The following CDH3 variants were observed in gnomAD, a reference collection of about 807,000 sequenced individuals.
CDH3 encodes the protein cadherin-3.
CDH3 carries 54 observed loss-of-function variants against 82.0 expected under a neutral mutation model. The ratio of observed to expected loss-of-function variants is 0.66; its 90% CI spans 0.53 to 0.83. The LOEUF is 0.83. Among genes scored for constraint, CDH3 ranks in the 40% least tolerant of loss-of-function variants. The probability of loss-of-function intolerance (pLI) is 0.00; values close to 1 mark genes in which losing one functional copy is unlikely to be tolerated. For missense variants in CDH3, 1,054 were observed against 1,084.6 expected (o/e 0.97, Z 0.40); for synonymous variants, 446 against 437.9 (o/e 1.02, Z -0.23).
Position 68,645,624 on chromosome 16 carries a change from C to T in CDH3, c.46-12C>T, listed in dbSNP as rs756895024. The T allele has an allele frequency of 1.9e-6, 3 of 1,539,194 alleles. No individual in the cohort carries two copies. The highest frequency in any genetic ancestry group is 2.4e-5 in the South Asian group (2 of 83,942). On this transcript the variant is annotated splice_polypyrimidine_tract_variant and intron_variant, in intron 1 of 15. Coordinates refer to ENST00000264012, the MANE Select transcript of CDH3 (RefSeq NM_001793.6). Reference sequence around the variant, plus strand: ...GGACCCAGCCTCCTTCACTCTCTGCCCTCGGGCGCAGGTTTGCTGGCTGCA... The same window carrying T: ...GGACCCAGCCTCCTTCACTCTCTGCTCTCGGGCGCAGGTTTGCTGGCTGCA...
At chr16:68,723,740 T>A (rs868070273) in intron 2 of CDH3, among the ~76,000 whole-genome samples, 11 of 151,830 alleles carry the variant, frequency 7.2e-5, no homozygotes, top group Middle Eastern at 6.8e-3. Flanking sequence ...CTGGCCAACA[T>A]AGCAAAACCC....
At chr16:68,645,515 G>C (rs531574990) in intron 1 of CDH3, 91 bp downstream of exon 1, 4 of 1,480,460 alleles carry the variant, frequency 2.7e-6, no homozygotes, top group Admixed American at 1.9e-5. Context: ...GGGAGAGCGC[G>C]GGGCTGCGCT....
At chr16:68,659,988 A>G (rs1960516160) in intron 2 of CDH3, among the ~76,000 whole-genome samples, 1 of 152,342 alleles carries the variant, frequency 6.6e-6, no homozygotes, top group East Asian at 1.9e-4. Context: ...AGTCTTTTAC[A>G]TGGTGAATGT....
chr16:68,678,955 A>C (rs765259854), intron 6 of CDH3, 49 bp downstream of exon 6: 2 of 1,590,612 alleles, frequency 1.3e-6, no homozygotes, highest in East Asian at 4.5e-5. Flanking sequence ...CCACACCCTT[A>C]AATGCTAAAA....
intron 3 of CDH3, among the ~76,000 whole-genome samples, chr16:68,677,869 A>G (rs939202332): frequency 2.6e-5 from 4 of 152,154 alleles, no homozygotes; most frequent in Non-Finnish European, 5.9e-5. Context: ...GTCCTCCTGT[A>G]TAAGTAAACA....
intron 15 of CDH3, chr16:68,696,205 G>A (rs560508929): frequency 4.7e-6 from 2 of 423,204 alleles, no homozygotes; most frequent in East Asian, 5.3e-5. Context: ...TGAATCATGA[G>A]GTCAGGAGTT....
intron 2 of CDH3, among the ~76,000 whole-genome samples, chr16:68,661,909 G>T (rs11075693): frequency 0.51 from 78,014 of 152,078 alleles, 20,181 homozygotes; most frequent in East Asian, 0.63. Context: ...CAGGCTGGTA[G>T]TGAACTCCTG....
rs562582963 is a variant in CDH3, at chr16:68,678,031, G to A, written c.247-103G>A. 2.2e-4 allele frequency: 239 copies of A among 1,084,506 alleles called. 1 individual carries two copies. The highest frequency in any genetic ancestry group is 4.0e-4 in the Middle Eastern group (2 of 4,986). The allele number at this position is 1,084,506 out of a possible 1,614,324, so 67.2% of individuals were successfully genotyped here. On this transcript the variant is annotated intron_variant, in intron 3 of 15. Transcript: ENST00000264012. ...CCCAAAGTACTGGGATTATAGGCGT[G>A]AGCTACCATGCCCAGCCACCCTTTT...
rs368833477 is a variant in CDH3, at chr16:68,655,583, C to T, written c.160+9833C>T. ...GAGGGGCTGGGCATGGTGGCTCACA[C>T]CTGTAATCCTAGCACTTTGGGAAGC... On this transcript the variant is annotated intron_variant, in intron 2 of 15. Coordinates refer to ENST00000264012, the MANE Select transcript of CDH3 (RefSeq NM_001793.6). Among the ~76,000 whole-genome samples the T allele has an allele frequency of 3.9e-5, 6 of 152,180 alleles. No homozygotes were observed. The East Asian group carries it at 9.6e-4, about 24-fold the overall frequency.
intron 2 of CDH3, among the ~76,000 whole-genome samples, chr16:68,650,892 G>GCCGCC (rs1960222875): frequency 1.3e-5 from 2 of 151,006 alleles, no homozygotes; most frequent in African/African-American, 4.9e-5. Flanking sequence ...CACATCCCAT[G>GCCGCC]ACGCCACTCA....
downstream of CDH3, among the ~76,000 whole-genome samples, chr16:68,704,902 AT>A (rs1004419349): frequency 1.2e-4 from 18 of 152,064 alleles, no homozygotes; most frequent in African/African-American, 4.1e-4. Context: ...TTAAAAAACA[AT>A]TTTTTTTGAT....
At chr16:68,693,336 A>T (rs3114407) in intron 13 of CDH3, among the ~76,000 whole-genome samples, 130,064 of 151,894 alleles carry the variant, frequency 0.86, 55,860 homozygotes, top group Non-Finnish European at 0.89. Flanking sequence ...AGGAGGCTGT[A>T]GCCATAATCC....
At chr16:68,727,219 G>A (rs1178011649) in exon 3 of CDH3, among the ~76,000 whole-genome samples, 1 of 152,270 alleles carries the variant, frequency 6.6e-6, no homozygotes, top group South Asian at 2.1e-4. Context: ...TTGACTCTGG[G>A]ATTTGTACCA....
intron 1 of CDH3, 42 bp downstream of exon 1, chr16:68,645,466 C>G (rs767748874): frequency 1.3e-5 from 21 of 1,606,210 alleles, no homozygotes; most frequent in Non-Finnish European, 1.7e-5. Flanking sequence ...GGACCGCTCC[C>G]TGGGGGGCGG....
chr16:68,650,693 A>C (rs1213239322), intron 2 of CDH3, among the ~76,000 whole-genome samples: 1 of 152,168 alleles, frequency 6.6e-6, no homozygotes, highest in Non-Finnish European at 1.5e-5. Context: ...AGGCAACTGG[A>C]AACCTTCGGG....
At chr16:68,680,539 C>CAG (rs1961190062) in intron 7 of CDH3, among the ~76,000 whole-genome samples, 1 of 152,100 alleles carries the variant, frequency 6.6e-6, no homozygotes, top group Non-Finnish European at 1.5e-5. Context: ...ATTAGCTGGG[C>CAG]GTGGTGGCAG....
At chr16:68,697,265 A>G (rs376708480) in intron 15 of CDH3, among the ~76,000 whole-genome samples, 1 of 151,822 alleles carries the variant, frequency 6.6e-6, no homozygotes, top group African/African-American at 2.4e-5. Context: ...TGGAGGTTGC[A>G]GTGAGCCGAG....
At chr16:68,658,660 G>C (rs142408212) in intron 2 of CDH3, among the ~76,000 whole-genome samples, 118 of 152,260 alleles carry the variant, frequency 7.7e-4, no homozygotes, top group Non-Finnish European at 1.5e-3. Flanking sequence ...AGGACAGGAC[G>C]CCAGGCCCAC....
downstream of CDH3, among the ~76,000 whole-genome samples, chr16:68,701,040 C>T (rs369235989): frequency 5.9e-5 from 9 of 152,212 alleles, 1 homozygote; most frequent in African/African-American, 1.7e-4. Context: ...ACCTGCTGCC[C>T]GTTATCTTCA....
Sources: allele counts gnomAD v4.1 joint callset (sites outside exome capture counted in the v4.1 genomes callset), GRCh38; gene constraint gnomAD v4.1.1; transcripts MANE v1.5; gene names NCBI Gene and HGNC (gene_info 2026-07-23, HGNC 2026-07-21).